The following UBN2 variants were observed in gnomAD, a reference collection of about 807,000 sequenced individuals.
UBN2 encodes the protein ubinuclein 2, also known as ubinuclein-2.
Under a neutral mutation model 120.2 loss-of-function variants are expected in UBN2, and 35 were observed. That is an observed-to-expected ratio of 0.29 (90% CI 0.22 to 0.39). The LOEUF (loss-of-function observed/expected upper bound fraction) is 0.39, where lower values mean the gene tolerates loss of function less well. UBN2 is among the 10% of genes least tolerant of loss of function. The pLI, the probability that UBN2 is intolerant of heterozygous loss-of-function variation, is 1.00. For missense variants in UBN2, 1,693 were observed against 1,663.2 expected, an observed-to-expected ratio of 1.02 and a Z score of -0.31; for synonymous variants, 661 against 648.7, an observed-to-expected ratio of 1.02 and a Z score of -0.29.
At position 139,300,008 on chromosome 7, in the gene UBN2, A is replaced by T. The variant is rs1798215728; in HGVS notation, c.*2172A>T. 6.6e-6 allele frequency: 1 copy of T among 152,208 alleles called. No individual in the cohort carries two copies. The highest frequency in any genetic ancestry group is 2.4e-5 in the African/African-American group (1 of 41,452). 9.4% of individuals were successfully genotyped at this position (152,208 alleles called of 1,614,324 possible). A position where few individuals can be genotyped will look rare whatever the true frequency, so the allele number is the denominator to read the frequency against. On this transcript the variant is annotated 3_prime_UTR_variant, in exon 18 of 18. Coordinates refer to ENST00000473989, the MANE Select transcript of UBN2 (RefSeq NM_173569.4). ...TATACATACACACATACATTCATAT[A>T]AATGACTAGTTTGAGTCAAAAAATC...
intron 12 of UBN2, among the ~76,000 whole-genome samples, chr7:139,278,199 T>G (rs1238307636): frequency 6.6e-6 from 1 of 150,744 alleles, no homozygotes; most frequent in African/African-American, 2.4e-5. Flanking sequence ...TTTTTTTTTT[T>G]GAGATGGAGT....
intron 9 of UBN2, 43 bp from the exon 10 acceptor site, chr7:139,273,254 G>A: frequency 7.2e-7 from 1 of 1,383,352 alleles, no homozygotes; most frequent in Non-Finnish European, 1.0e-6. Flanking sequence ...TATAGGCAGT[G>A]TTGGGTTAAA....
chr7:139,294,520 T>G (rs1174715657), intron 17 of UBN2, among the ~76,000 whole-genome samples: 1 of 152,198 alleles, frequency 6.6e-6, no homozygotes, highest in African/African-American at 2.4e-5. Flanking sequence ...AGTGATTAAA[T>G]GTCTTGGCAT....
chr7:139,237,998 T>C (rs1423691854), intron 2 of UBN2, among the ~76,000 whole-genome samples: 1 of 152,246 alleles, frequency 6.6e-6, no homozygotes, highest in African/African-American at 2.4e-5. Context: ...AAAAACAATT[T>C]TTAATTACCT....
chr7:139,256,974 T>C (rs908238146), intron 3 of UBN2, among the ~76,000 whole-genome samples: 2 of 152,216 alleles, frequency 1.3e-5, no homozygotes, highest in Admixed American at 6.5e-5. Flanking sequence ...CAGTAACTAA[T>C]AGGATATGTA....
intron 15 of UBN2, among the ~76,000 whole-genome samples, chr7:139,286,440 A>G (rs574059011): frequency 6.6e-6 from 1 of 152,204 alleles, no homozygotes; most frequent in East Asian, 1.9e-4. Context: ...GTATTCTGAC[A>G]CTTTCTCAGA....
At chr7:139,327,806 G>A in the UBN2 span, among the ~76,000 whole-genome samples, 793 of 152,286 alleles carry the variant, frequency 5.2e-3, 6 homozygotes, top group Non-Finnish European at 7.8e-3. Flanking sequence ...TACCACAACA[G>A]TTATTGAAGA....
rs1053118162 is a variant in UBN2 at position 139,300,820 on chromosome 7, G to C, written c.*2984G>C. On this transcript the variant is annotated 3_prime_UTR_variant, in exon 18 of 18. Coordinates refer to ENST00000473989, the MANE Select transcript of UBN2 (RefSeq NM_173569.4). ...AATAACAGTCAGCAGGGTTGTCCTC[G>C]GAGATAGCTGTGCTGAGCCTCAGTT... 6.6e-6 allele frequency: 1 copy of C among 152,298 alleles called. No individual in the cohort carries two copies. The allele number at this position is 152,298 out of a possible 1,614,324, so 9.4% of individuals were successfully genotyped here.
At chr7:139,269,581 G>A in intron 8 of UBN2, 58 bp downstream of exon 8, 1 of 1,578,590 alleles carries the variant, frequency 6.3e-7, no homozygotes. Context: ...AAAGATACTT[G>A]TTTCTGTTTG....
rs769222760 is a variant in UBN2 at position 139,284,467 on chromosome 7, C to G, written c.3562C>G (p.Leu1188Val). ...LNSSGANRTS[L>V]SGGTGSGTQG... is the part of the protein sequence containing the mutation. ...CTCAAGCGGAGCTAATAGGACTAGT[C>G]TGTCTGGGGGAACAGGAAGTGGAAC... Residue 1188 changes from leucine to valine, a missense_variant, in exon 15 of 18, where the codon CTG (leucine) becomes GTG (valine). Leu to Val is a conservative substitution (Grantham distance 32). This residue lies in a region of UBN2 where 837 missense variants were observed against 817.6 expected (regional missense o/e 1.02). Coordinates refer to ENST00000473989, the MANE Select transcript of UBN2 (RefSeq NM_173569.4). 6.2e-7 allele frequency: 1 copy of G among 1,614,052 alleles called. No homozygotes were observed. The highest frequency in any genetic ancestry group is 8.5e-7 in the Non-Finnish European group (1 of 1,180,038).
intron 6 of UBN2, among the ~76,000 whole-genome samples, chr7:139,265,448 A>T (rs929362924): frequency 6.6e-6 from 1 of 152,200 alleles, no homozygotes; most frequent in Non-Finnish European, 1.5e-5. Flanking sequence ...ACTGCACTCC[A>T]GCCTGGGCGA....
chr7:139,314,672 G>T, the UBN2 span, among the ~76,000 whole-genome samples: 1 of 151,780 alleles, frequency 6.6e-6, no homozygotes, highest in Non-Finnish European at 1.5e-5. Flanking sequence ...TTTTAGTAGA[G>T]ACAGGGTCTC....
chr7:139,307,492 A>T lies in UBN2; in HGVS notation c.*9656A>T, dbSNP rs1416953020. The T allele has an allele frequency of 1.3e-5, 2 of 151,962 alleles. No individual in the cohort carries two copies. Among genetic ancestry groups the T allele is most frequent in the Non-Finnish European group, 1.5e-5 (1 of 68,014 alleles). 9.4% of individuals were successfully genotyped at this position (151,962 alleles called of 1,614,324 possible). A position where few individuals can be genotyped will look rare whatever the true frequency, so the allele number is the denominator to read the frequency against. On this transcript the variant is annotated 3_prime_UTR_variant, in exon 18 of 18. Coordinates refer to ENST00000473989, the MANE Select transcript of UBN2 (RefSeq NM_173569.4). The stretch of plus-strand genomic sequence containing the variant: ...TTTTTGTATTTTAGTAAAAAAAAAA[A>T]AAAATAAATTTAAATAAAAGGGGGT...
the UBN2 span, among the ~76,000 whole-genome samples, chr7:139,314,543 T>C: frequency 5.5e-3 from 832 of 152,248 alleles, 22 homozygotes; most frequent in East Asian, 0.085. Flanking sequence ...TGGACTGCTA[T>C]GGTCTGATCT....
At chr7:139,271,221 A>G (rs1233639773) in intron 8 of UBN2, among the ~76,000 whole-genome samples, 6 of 152,216 alleles carry the variant, frequency 3.9e-5, no homozygotes, top group Non-Finnish European at 8.8e-5. Flanking sequence ...ACTGGTGTTC[A>G]TGGAATAGGT....
intron 15 of UBN2, among the ~76,000 whole-genome samples, chr7:139,292,945 G>A (rs1013697409): frequency 2.6e-5 from 4 of 152,206 alleles, no homozygotes; most frequent in African/African-American, 9.6e-5. Flanking sequence ...GAAATTGCAT[G>A]GAATTACTTA....
At chr7:139,280,641 T>C (rs546810689) in intron 13 of UBN2, among the ~76,000 whole-genome samples, 2 of 152,186 alleles carry the variant, frequency 1.3e-5, no homozygotes, top group Admixed American at 1.3e-4. Context: ...AGTCTTCTTT[T>C]TCTTTTTCTT....
At chr7:139,287,505 G>A (rs1384004537) in intron 15 of UBN2, among the ~76,000 whole-genome samples, 1 of 151,874 alleles carries the variant, frequency 6.6e-6, no homozygotes, top group Non-Finnish European at 1.5e-5. Flanking sequence ...ATTATTGATT[G>A]CAAAAGAACC....
intron 10 of UBN2, 55 bp from the exon 11 acceptor site, chr7:139,273,876 G>A: frequency 1.4e-6 from 2 of 1,454,856 alleles, no homozygotes; most frequent in Non-Finnish European, 1.8e-6. Flanking sequence ...TATTATTGCT[G>A]CCAAATGTAT....
Sources: gnomAD v4.1 joint callset for allele counts (sites outside exome capture counted in the v4.1 genomes callset) on GRCh38, gnomAD v4.1.1 for gene constraint, gnomAD v4.1.1 regional missense constraint, MANE v1.5 for transcripts, NCBI Gene and HGNC (gene_info 2026-07-23, HGNC 2026-07-21) for gene names.